IL2RB: variants seen among roughly 807,000 people sequenced by gnomAD.
IL2RB encodes interleukin 2 receptor subunit beta.
Under a neutral mutation model 44.2 loss-of-function variants are expected in IL2RB, and 17 were observed. The ratio of observed to expected loss-of-function variants is 0.38; its 90% confidence interval spans 0.26 to 0.58. The LOEUF is 0.58. Among genes scored for constraint, IL2RB ranks in the 20% least tolerant of loss-of-function variants. The pLI, the probability that IL2RB is intolerant of heterozygous loss-of-function variation, is 0.63. For synonymous variants in IL2RB, 286 were observed against 297.9 expected, an observed-to-expected ratio of 0.96 and a Z score of 0.41; for missense variants, 624 against 685.5, an observed-to-expected ratio of 0.91 and a Z score of 1.00.
At chr22:37,158,342 G>A (rs1922750105) in intron 1 of IL2RB, among the ~76,000 whole-genome samples, 1 of 152,112 alleles carries the variant, frequency 6.6e-6, no homozygotes, top group African/African-American at 2.4e-5. Flanking sequence ...GAGGTCAGGA[G>A]ATCGAGACCA....
chr22:37,136,127 C>A, intron 7 of IL2RB, 101 bp downstream of exon 7: 1 of 1,282,862 alleles, frequency 7.8e-7, no homozygotes, highest in Non-Finnish European at 1.1e-6. Flanking sequence ...ATGGAGCTGA[C>A]TGCTATACCC....
chr22:37,139,030 A>G lies in IL2RB; in HGVS notation c.388+87T>C, dbSNP rs228961. The G allele has an allele frequency of 5.3e-3, 4,534 of 856,382 alleles. 149 individuals carry two copies. In the African/African-American group the frequency reaches 0.069, roughly 13 times the overall value. The allele number at this position is 856,382 out of a possible 1,614,324, so 53.0% of individuals were successfully genotyped here. A position where few individuals can be genotyped will look rare whatever the true frequency, so the allele number is the denominator to read the frequency against. On this transcript the variant is annotated intron_variant, in intron 5 of 9. Coordinates refer to ENST00000216223, the MANE Select transcript of IL2RB (RefSeq NM_000878.5). ...GTGGGTGTGGAAGCTGCCGGGGAGA[A>G]AGGCTGGAGCAGGGAAGATCCCAGA... is the stretch of plus-strand genomic sequence containing the variant.
At chr22:37,140,553 G>T (rs764346504) in intron 4 of IL2RB, among the ~76,000 whole-genome samples, 7 of 152,104 alleles carry the variant, frequency 4.6e-5, no homozygotes, top group Non-Finnish European at 8.8e-5. Flanking sequence ...GCCAGGATCA[G>T]AAACCAGGCC....
At chr22:37,157,945 C>G (rs895122953) in intron 1 of IL2RB, among the ~76,000 whole-genome samples, 14 of 152,184 alleles carry the variant, frequency 9.2e-5, no homozygotes, top group African/African-American at 3.1e-4. Flanking sequence ...TTAAAAACAC[C>G]AGGATAGCAT....
intron 8 of IL2RB, 46 bp from the exon 9 acceptor site, chr22:37,132,514 A>G (rs1287496286): frequency 2.7e-6 from 4 of 1,467,506 alleles, no homozygotes; most frequent in South Asian, 1.1e-5. Context: ...AAAGGGAAGG[A>G]CCGCGGTGTT....
chr22:37,128,077 T>C lies in IL2RB; in HGVS notation c.*19A>G. 1 of 1,505,522 alleles carries C rather than the reference T, an allele frequency of 6.6e-7. No homozygotes were observed. The highest frequency in any genetic ancestry group is 2.4e-5 in the Admixed American group (1 of 41,568). The allele number at this position is 1,505,522 out of a possible 1,614,324, so 93.3% of individuals were successfully genotyped here. A position where few individuals can be genotyped will look rare whatever the true frequency, so the allele number is the denominator to read the frequency against. ...GGCGCAGAGCAGGCAGCTGCCTGCC[T>C]CCCACCCTGGCCATCTGTCTACACC... On this transcript the variant is annotated 3_prime_UTR_variant, in exon 10 of 10. Transcript: ENST00000216223. The surrounding 1 kb of genome is among the most constrained non-coding windows in gnomAD (Gnocchi z 4.5).
At chr22:37,149,696 T>G in intron 1 of IL2RB, 129 bp downstream of exon 1, 2 of 278,362 alleles carry the variant, frequency 7.2e-6, no homozygotes, top group Non-Finnish European at 1.1e-5. Context: ...TAAGACAAAG[T>G]TGGGGGATGG....
intron 1 of IL2RB, among the ~76,000 whole-genome samples, chr22:37,163,377 T>C (rs1394294202): frequency 6.6e-6 from 1 of 152,046 alleles, no homozygotes; most frequent in Non-Finnish European, 1.5e-5. Flanking sequence ...AAGGGTGGGG[T>C]ACTTTGATTG....
In IL2RB at chr22:37,141,883, G is replaced by C. The variant is rs530537147; in HGVS notation, c.282+551C>G. Among the ~76,000 whole-genome samples the C allele has an allele frequency of 1.3e-4, 20 of 152,314 alleles. No individual in the cohort carries two copies. The highest frequency in any genetic ancestry group is 1.2e-3 in the East Asian group (6 of 5,172). ...GGTCCCTGGTGAGGTCCCACCTTCA[G>C]GCTGGGGAGGGCCTGAAAAACAAGG... On this transcript the variant is annotated intron_variant, in intron 4 of 9. Coordinates refer to ENST00000216223, the MANE Select transcript of IL2RB (RefSeq NM_000878.5). This position sits in a 1 kb window ranked among gnomAD's most constrained non-coding sequence, Gnocchi z 4.4.
chr22:37,171,709 A>G (rs1923291766), intron 1 of IL2RB, among the ~76,000 whole-genome samples: 1 of 152,228 alleles, frequency 6.6e-6, no homozygotes, highest in Non-Finnish European at 1.5e-5. Flanking sequence ...GCCTTTGCCT[A>G]CGCTAGACTG....
intron 1 of IL2RB, among the ~76,000 whole-genome samples, chr22:37,163,210 G>C (rs370361232): frequency 2.4e-4 from 36 of 152,110 alleles, no homozygotes; most frequent in Admixed American, 8.5e-4. Flanking sequence ...CCTCAGGGAC[G>C]GGCAGACTCC....
upstream of IL2RB, among the ~76,000 whole-genome samples, chr22:37,154,865 C>T (rs201541068): frequency 5.3e-5 from 8 of 152,218 alleles, no homozygotes; most frequent in South Asian, 2.1e-4. Flanking sequence ...TTAGCCACCA[C>T]GGCCGGCCAT....
chr22:37,163,014 C>T lies in IL2RB; in HGVS notation c.-34+11944G>A, dbSNP rs147814231. Among the ~76,000 whole-genome samples the T allele has an allele frequency of 1.5e-3, 235 of 152,364 alleles. 3 individuals are homozygous for T. The East Asian group carries it at 0.042, about 27-fold the overall frequency. On this transcript the variant is annotated intron_variant, in intron 1 of 5. Coordinates refer to the IL2RB transcript ENST00000429622. ...TCTCCCCAGGGGCATGAGCACTGGA[C>T]TGAGGGTTTGGAGACCTAAGTTTGA...
intron 1 of IL2RB, among the ~76,000 whole-genome samples, chr22:37,163,590 C>G (rs914771416): frequency 1.1e-4 from 17 of 152,204 alleles, no homozygotes; most frequent in African/African-American, 4.1e-4. Flanking sequence ...AAACTGGGCA[C>G]CTTGCCTCCC....
At chr22:37,164,354 C>T (rs1016677034) in intron 1 of IL2RB, among the ~76,000 whole-genome samples, 38 of 151,962 alleles carry the variant, frequency 2.5e-4, no homozygotes, top group African/African-American at 9.2e-4. Flanking sequence ...GTGCTTTGAT[C>T]GGGAGGATGT....
In IL2RB at chr22:37,130,699, A is replaced by T. The variant is rs142415570; in HGVS notation, c.903+1685T>A. ...GAATCAGGACTTGAAGCTGGAAGGT[A>T]TCTGAGCATGCAGCTAATCTACCGC... On this transcript the variant is annotated intron_variant, in intron 9 of 9. Transcript: ENST00000216223. Among the ~76,000 whole-genome samples the T allele has an allele frequency of 6.6e-5, 10 of 152,358 alleles. No homozygotes were observed. In the East Asian group the frequency reaches 1.9e-3, roughly 29 times the overall value.
At chr22:37,162,717 C>T (rs989119914) in intron 1 of IL2RB, among the ~76,000 whole-genome samples, 2 of 152,064 alleles carry the variant, frequency 1.3e-5, no homozygotes, top group Non-Finnish European at 2.9e-5. Flanking sequence ...AATCCCTGAC[C>T]CCCACCCCAC....
Position 37,144,189 on chromosome 22 carries a change from A to G in IL2RB, c.-17T>C, listed in dbSNP as rs1922118806. 1 of 1,548,790 alleles carries G rather than the reference A, an allele frequency of 6.5e-7. No individual in the cohort carries two copies. The highest frequency in any genetic ancestry group is 8.7e-7 in the Non-Finnish European group (1 of 1,145,686). ...GGCCGCCATTACATCCACAGGGTGGAGCCGAGGAAGGAAGCCCTGGTGGGA... is the reference window on the plus strand; with the variant it reads ...GGCCGCCATTACATCCACAGGGTGGGGCCGAGGAAGGAAGCCCTGGTGGGA... On this transcript the variant is annotated 5_prime_UTR_variant, in exon 2 of 10. Coordinates refer to ENST00000216223, the MANE Select transcript of IL2RB (RefSeq NM_000878.5).
chr22:37,145,009 T>C (rs1922160280), intron 1 of IL2RB, among the ~76,000 whole-genome samples: 1 of 152,342 alleles, frequency 6.6e-6, no homozygotes, highest in Non-Finnish European at 1.5e-5. Context: ...GGAATAAATA[T>C]AGACAGAGCT....
Sources: gnomAD v4.1 joint callset for allele counts (sites outside exome capture counted in the v4.1 genomes callset) on GRCh38, gnomAD v4.1.1 for gene constraint, Gnocchi (gnomAD v3.1) non-coding constraint, MANE v1.5 for transcripts, NCBI Gene and HGNC (gene_info 2026-07-23, HGNC 2026-07-21) for gene names.